PRR16: variants seen among roughly 807,000 people sequenced by gnomAD.
PRR16 encodes the protein proline rich 16, also known as protein Largen.
Under a neutral mutation model 18.2 loss-of-function variants are expected in PRR16, and 6 were observed. The observed-to-expected ratio is 0.33, with a 90% CI of 0.18 to 0.65. The LOEUF is 0.65. Among genes scored for constraint, PRR16 ranks in the 30% least tolerant of loss-of-function variants. The probability of loss-of-function intolerance (pLI) is 0.74; values close to 1 mark genes in which losing one functional copy is unlikely to be tolerated. For missense variants in PRR16, 412 were observed against 376.6 expected (o/e 1.09, Z -0.78); for synonymous variants, 151 against 147.8 (o/e 1.02, Z -0.16).
the PRR16 span, among the ~76,000 whole-genome samples, chr5:120,768,972 T>C: frequency 2.0e-5 from 3 of 151,710 alleles, no homozygotes; most frequent in Non-Finnish European, 4.4e-5. Flanking sequence ...TTGACAGTCT[T>C]ACCAAAATTT....
At position 120,506,976 on chromosome 5, in the gene PRR16, C is replaced by T. The variant is rs538926565; in HGVS notation, c.159+42331C>T. On this transcript the variant is annotated intron_variant, in intron 1 of 1. Coordinates refer to ENST00000407149, the MANE Select transcript of PRR16 (RefSeq NM_001300783.2). Reference sequence around the variant, plus strand: ...CTGGCCTCAATAGAAGAAGGCAAGGCAACTGTTAATGGCCTTGGGAAGTAA... The same window carrying T: ...CTGGCCTCAATAGAAGAAGGCAAGGTAACTGTTAATGGCCTTGGGAAGTAA... Among the ~76,000 whole-genome samples, 9 of 152,192 alleles carry T rather than the reference C, an allele frequency of 5.9e-5. No homozygotes were observed. In the South Asian group the frequency reaches 1.9e-3, roughly 32 times the overall value.
At chr5:120,633,302 A>G (rs1755119083) in intron 1 of PRR16, among the ~76,000 whole-genome samples, 1 of 152,192 alleles carries the variant, frequency 6.6e-6, no homozygotes, top group African/African-American at 2.4e-5. Context: ...TGTAACAATA[A>G]CACAATGAAA....
intron 1 of PRR16, among the ~76,000 whole-genome samples, chr5:120,675,143 T>C (rs1756751459): frequency 6.6e-6 from 1 of 152,200 alleles, no homozygotes; most frequent in South Asian, 2.1e-4. Flanking sequence ...TCATATGTTC[T>C]TATAATATAG....
chr5:120,546,998 G>A (rs1486983130), intron 1 of PRR16, among the ~76,000 whole-genome samples: 1 of 152,080 alleles, frequency 6.6e-6, no homozygotes, highest in African/African-American at 2.4e-5. Flanking sequence ...TTCTAGAAAA[G>A]AGATGGGGAG....
chr5:120,604,297 A>G (rs888302609), intron 1 of PRR16, among the ~76,000 whole-genome samples: 4 of 151,944 alleles, frequency 2.6e-5, no homozygotes, highest in Non-Finnish European at 4.4e-5. Context: ...ACCCTTTATT[A>G]TTATGTAATA....
At chr5:120,729,179 T>A in the PRR16 span, among the ~76,000 whole-genome samples, 1 of 152,108 alleles carries the variant, frequency 6.6e-6, no homozygotes, top group Non-Finnish European at 1.5e-5. Context: ...AATGTGAACA[T>A]GTGAATTGAC....
chr5:120,737,647 T>C, the PRR16 span, among the ~76,000 whole-genome samples: 8 of 151,798 alleles, frequency 5.3e-5, no homozygotes, highest in Admixed American at 3.3e-4. Context: ...TTCTTTCTTT[T>C]TTTTTTTGGA....
intron 1 of PRR16, among the ~76,000 whole-genome samples, chr5:120,507,854 T>C (rs1750696115): frequency 6.6e-6 from 1 of 152,044 alleles, no homozygotes; most frequent in South Asian, 2.1e-4. Flanking sequence ...TTCAGAGACT[T>C]TCAAAACCAT....
intron 1 of PRR16, among the ~76,000 whole-genome samples, chr5:120,610,926 T>C (rs898334371): frequency 2.6e-5 from 4 of 152,088 alleles, no homozygotes; most frequent in African/African-American, 4.8e-5. Context: ...TGTGGGAAAG[T>C]TTGGAACTTC....
At chr5:120,485,801 C>T (rs1749778294) in intron 1 of PRR16, among the ~76,000 whole-genome samples, 1 of 152,126 alleles carries the variant, frequency 6.6e-6, no homozygotes, top group Admixed American at 6.6e-5. Context: ...CCTCCTGCCT[C>T]CCCCGACCCC....
At chr5:120,695,080 A>T in the PRR16 span, among the ~76,000 whole-genome samples, 1 of 152,228 alleles carries the variant, frequency 6.6e-6, no homozygotes, top group Admixed American at 6.5e-5. Flanking sequence ...CACCAATATG[A>T]ATATTGCCAA....
In PRR16 at chr5:120,530,164, G is replaced by T. The variant is rs142071282; in HGVS notation, c.159+65519G>T. On this transcript the variant is annotated intron_variant, in intron 1 of 1. Coordinates refer to ENST00000407149, the MANE Select transcript of PRR16 (RefSeq NM_001300783.2). ...ATGCTACAGACATATATATGTGTGT[G>T]TGTATATATGCAGTGCTTATATATA... is the stretch of plus-strand genomic sequence containing the variant. 9.6e-3 allele frequency among the ~76,000 whole-genome samples: 1,411 copies of T among 146,610 alleles called. 7 individuals carry two copies. Among genetic ancestry groups the T allele is most frequent in the Non-Finnish European group, 0.016 (1,053 of 66,920 alleles).
chr5:120,625,693 AGTATACCAT>A (rs546055816), intron 1 of PRR16, among the ~76,000 whole-genome samples: 125 of 152,282 alleles, frequency 8.2e-4, no homozygotes, highest in African/African-American at 2.8e-3. Flanking sequence ...TGTGCCTGGT[AGTATACCAT>A]GTTAATCAAG....
intron 1 of PRR16, among the ~76,000 whole-genome samples, chr5:120,494,888 C>T (rs1750191775): frequency 6.6e-6 from 1 of 151,822 alleles, no homozygotes; most frequent in Admixed American, 6.6e-5. Context: ...ATAAAAAAAT[C>T]AGTTCTCCAC....
At chr5:120,654,802 T>C (rs974762246) in intron 1 of PRR16, among the ~76,000 whole-genome samples, 3 of 150,920 alleles carry the variant, frequency 2.0e-5, no homozygotes, top group African/African-American at 4.9e-5. Flanking sequence ...AGTTGAATGG[T>C]AAAAGCCCTA....
chr5:120,788,606 C>T, the PRR16 span, among the ~76,000 whole-genome samples: 1 of 152,084 alleles, frequency 6.6e-6, no homozygotes, highest in Admixed American at 6.6e-5. Context: ...CCAATAGAGG[C>T]AAGCAATGCT....
chr5:120,713,827 TAATA>T, the PRR16 span, among the ~76,000 whole-genome samples: 2 of 152,180 alleles, frequency 1.3e-5, no homozygotes, highest in African/African-American at 2.4e-5. Context: ...ATAGTACAAT[TAATA>T]AATAAGAACA....
At chr5:120,706,155 T>C in the PRR16 span, among the ~76,000 whole-genome samples, 277 of 152,292 alleles carry the variant, frequency 1.8e-3, 2 homozygotes, top group African/African-American at 6.1e-3. Context: ...TTTATTCTTT[T>C]GTGCTCAGAG....
At chr5:120,698,829 A>T in the PRR16 span, among the ~76,000 whole-genome samples, 6 of 152,106 alleles carry the variant, frequency 3.9e-5, no homozygotes, top group African/African-American at 1.4e-4. Context: ...TTTCTTGAAG[A>T]TGGAGGACCG....
Sources: allele counts gnomAD v4.1 joint callset (sites outside exome capture counted in the v4.1 genomes callset), GRCh38; gene constraint gnomAD v4.1.1; transcripts MANE v1.5; gene names NCBI Gene and HGNC (gene_info 2026-07-23, HGNC 2026-07-21).